KRT74: variants seen among roughly 807,000 people sequenced by gnomAD.
KRT74 encodes the protein keratin 74.
A neutral mutation model predicts 42.7 loss-of-function variants in KRT74; 43 were observed. The observed-to-expected ratio is 1.01, with a 90% CI of 0.79 to 1.30. KRT74 has a LOEUF of 1.30. KRT74 is among the 50% of genes most tolerant of loss of function. KRT74 has a pLI of 0.00. For synonymous variants in KRT74, 302 were observed against 279.0 expected, an observed-to-expected ratio of 1.08 and a Z score of -0.82; for missense variants, 736 against 689.1, an observed-to-expected ratio of 1.07 and a Z score of -0.76.
chr12:52,573,287 C>G lies in KRT74; in HGVS notation c.471+20G>C. 2 of 1,609,736 alleles carry G rather than the reference C, an allele frequency of 1.2e-6. No individual in the cohort carries two copies. Among genetic ancestry groups the G allele is most frequent in the Non-Finnish European group, 8.5e-7 (1 of 1,176,030 alleles). The stretch of plus-strand genomic sequence containing the variant: ...CTCAGGCCTCAGGGTGCGGCCTCAT[C>G]CTCCTCCTATGAGACCCACCTTGTC... On this transcript the variant is annotated intron_variant, in intron 1 of 8. Transcript: ENST00000305620.
rs918293648 is a variant in KRT74, at chr12:52,573,298, G to A, written c.471+9C>T. 1.9e-6 allele frequency: 3 copies of A among 1,613,592 alleles called. No individual in the cohort carries two copies. The African/African-American group carries it at 4.0e-5, about 22-fold the overall frequency. ...GGGTGCGGCCTCATCCTCCTCCTATGAGACCCACCTTGTCAATGAAGGAGG... is the reference window on the plus strand; with the variant it reads ...GGGTGCGGCCTCATCCTCCTCCTATAAGACCCACCTTGTCAATGAAGGAGG... On this transcript the variant is annotated intron_variant, in intron 1 of 8. Coordinates refer to ENST00000305620, the MANE Select transcript of KRT74 (RefSeq NM_175053.4).
intron 7 of KRT74, 51 bp from the exon 8 acceptor site, chr12:52,567,744 C>T: frequency 7.2e-7 from 1 of 1,386,606 alleles, no homozygotes; most frequent in Non-Finnish European, 1.0e-6. Context: ...CGAGATTCCA[C>T]TAAACATCAA....
At chr12:52,568,074 A>G (rs1939410071) in intron 7 of KRT74, 95 bp downstream of exon 7, 1 of 1,391,828 alleles carries the variant, frequency 7.2e-7, no homozygotes, top group Admixed American at 1.8e-5. Context: ...TCTTGCTTGT[A>G]TTGGCACTAA....
In KRT74 at chr12:52,568,567, G is replaced by T. The variant is rs1939421163; in HGVS notation, c.1135-178C>A. ...TTTCTATTGCAGAGGAGTATTCAAA[G>T]CTGTTATCACATGAAGCTGTGGAAG... On this transcript the variant is annotated intron_variant, in intron 6 of 8. Transcript: ENST00000305620. 1.6e-5 allele frequency: 11 copies of T among 679,986 alleles called. No individual in the cohort carries two copies. The South Asian group carries it at 2.1e-4, about 13-fold the overall frequency. The allele number at this position is 679,986 out of a possible 1,614,324, so 42.1% of individuals were successfully genotyped here. A position where few individuals can be genotyped will look rare whatever the true frequency, so the allele number is the denominator to read the frequency against.
Position 52,570,866 on chromosome 12 carries a change from C to A in KRT74, c.844-33G>T, listed in dbSNP as rs150597552. 10,045 of 1,613,500 alleles carry A rather than the reference C, an allele frequency of 6.2e-3. 48 individuals are homozygous for A. The highest frequency in any genetic ancestry group is 7.6e-3 in the Non-Finnish European group (9,016 of 1,179,480). On this transcript the variant is annotated intron_variant, in intron 4 of 8. Coordinates refer to ENST00000305620, the MANE Select transcript of KRT74 (RefSeq NM_175053.4). ...GAGAGAGGAAGACAGATTCAGCAAC[C>A]CCCTGGCTTCCCTCTTCTGCCCCAT... is the stretch of plus-strand genomic sequence containing the variant.
intron 8 of KRT74, 103 bp from the exon 9 acceptor site, chr12:52,567,271 A>C: frequency 3.5e-5 from 34 of 984,710 alleles, no homozygotes; most frequent in Non-Finnish European, 4.7e-5. Flanking sequence ...ACAACACCTC[A>C]TTTAATCCGC....
rs779465105 is a variant in KRT74, at chr12:52,572,709, C to T, written c.472-42G>A. On this transcript the variant is annotated intron_variant, in intron 1 of 8. Coordinates refer to ENST00000305620, the MANE Select transcript of KRT74 (RefSeq NM_175053.4). ...CAGACACCTGGAACCACAATGGGTG[C>T]AGTCATGCCCCCTGGACACACACCA... 7 of 1,559,290 alleles carry T rather than the reference C, an allele frequency of 4.5e-6. No homozygotes were observed. The Admixed American group carries it at 5.0e-5, about 11-fold the overall frequency.
chr12:52,571,474 T>C lies in KRT74; in HGVS notation c.748-20A>G, dbSNP rs756488832. ...TGCATCCTGCCAAGAGGCCCCAGAGTCATTGGGGGATGCAACCCTCATCCC... is the reference window on the plus strand; with the variant it reads ...TGCATCCTGCCAAGAGGCCCCAGAGCCATTGGGGGATGCAACCCTCATCCC... On this transcript the variant is annotated intron_variant, in intron 3 of 8. Transcript: ENST00000305620. 3.2e-6 allele frequency: 5 copies of C among 1,577,362 alleles called. No homozygotes were observed. The South Asian group carries it at 5.5e-5, about 17-fold the overall frequency.
Position 52,570,745 on chromosome 12 carries a change from A to G in KRT74, c.932T>C (p.Ile311Thr), listed in dbSNP as rs368247981. 1.2e-6 allele frequency: 2 copies of G among 1,614,068 alleles called. No individual in the cohort carries two copies. Among genetic ancestry groups the G allele is most frequent in the African/African-American group, 2.7e-5 (2 of 74,924 alleles). The change falls in exon 5 of 9, where the codon ATC (isoleucine) becomes ACC (threonine). Residue 311 changes from isoleucine to threonine, a missense_variant. Coordinates refer to ENST00000305620, the MANE Select transcript of KRT74 (RefSeq NM_175053.4). ...CTCATAATGCATGCGGACCTCAGCGATGATGCTGTCAAGGTCCAGGTCCCG... is the reference window on the plus strand; with the variant it reads ...CTCATAATGCATGCGGACCTCAGCGGTGATGCTGTCAAGGTCCAGGTCCCG... ...NNRDLDLDSI[I>T]AEVRMHYEEI...
chr12:52,573,310 G>A lies in KRT74; in HGVS notation c.468C>T (p.Asp156=). The change falls in exon 1 of 9, where the codon GAC becomes GAT. Residue 156 remains aspartate, a synonymous_variant. Transcript: ENST00000305620. The stretch of plus-strand genomic sequence containing the variant: ...ATCCTCCTCCTATGAGACCCACCTT[G>A]TCAATGAAGGAGGCGAACTTGTCGT... ...VLNDKFASFI[D]KVRFLEQQNQ... is the part of the protein sequence containing the mutation. 6.2e-7 allele frequency: 1 copy of A among 1,614,052 alleles called. No homozygotes were observed. Among genetic ancestry groups the A allele is most frequent in the Non-Finnish European group, 8.5e-7 (1 of 1,179,912 alleles).
At position 52,571,386 on chromosome 12, in the gene KRT74, G is replaced by A. The variant is rs757714826; in HGVS notation, c.816C>T (p.Ile272=). The A allele has an allele frequency of 1.9e-6, 3 of 1,612,370 alleles. No homozygotes were observed. The highest frequency in any genetic ancestry group is 2.2e-5 in the South Asian group (2 of 91,018). The change falls in exon 4 of 9, where the codon ATC becomes ATT. Residue 272 remains isoleucine, a synonymous_variant. Transcript: ENST00000305620. ...QAKVDSLDKE[I]KFLKCLYDAE... is the part of the protein sequence containing the mutation. Reference sequence around the variant, plus strand: ...CATCATACAGACACTTGAGGAACTTGATTTCTTTGTCCAGTGAGTCCACTT... The same window carrying A: ...CATCATACAGACACTTGAGGAACTTAATTTCTTTGTCCAGTGAGTCCACTT...
Position 52,567,704 on chromosome 12 carries a change from G to A in KRT74, c.1356-11C>T. ...TTCTCACCAGACATCCTGTGAGACA[G>A]AAAGTTAGAGAAAGATAAAAACTCA... On this transcript the variant is annotated splice_polypyrimidine_tract_variant and intron_variant, in intron 7 of 8. Coordinates refer to ENST00000305620, the MANE Select transcript of KRT74 (RefSeq NM_175053.4). 6.2e-7 allele frequency: 1 copy of A among 1,603,336 alleles called. No homozygotes were observed. The highest frequency in any genetic ancestry group is 8.5e-7 in the Non-Finnish European group (1 of 1,170,276).
Position 52,566,922 on chromosome 12 carries a change from CA to C in KRT74, c.*46del. On this transcript the variant is annotated 3_prime_UTR_variant, in exon 9 of 9. Coordinates refer to ENST00000305620, the MANE Select transcript of KRT74 (RefSeq NM_175053.4). Reference sequence around the variant, plus strand: ...GTGTGGCAGACACCTTTGGGGGTGGCAAAGTCACCTCTTCTTCCAAGTGCTG... The same window carrying C: ...GTGTGGCAGACACCTTTGGGGGTGGCAAGTCACCTCTTCTTCCAAGTGCTG... 1 of 1,560,652 alleles carries C rather than the reference CA, an allele frequency of 6.4e-7. No individual in the cohort carries two copies. Among genetic ancestry groups the C allele is most frequent in the Non-Finnish European group, 8.7e-7 (1 of 1,143,950 alleles).
rs55853228 is a variant in KRT74 at position 52,570,559 on chromosome 12, C to A, written c.1008+110G>T. 0.053 allele frequency: 64,293 copies of A among 1,207,344 alleles called. 2,164 individuals carry two copies. Among genetic ancestry groups the A allele is most frequent in the African/African-American group, 0.15 (9,733 of 66,674 alleles). 74.8% of individuals were successfully genotyped at this position (1,207,344 alleles called of 1,614,324 possible). ...TTTTTCCTTGAAGCCTTGGTTGGAACCTTTCTTTCATTCAGCATGCCCACA... is the reference window on the plus strand; with the variant it reads ...TTTTTCCTTGAAGCCTTGGTTGGAAACTTTCTTTCATTCAGCATGCCCACA... On this transcript the variant is annotated intron_variant, in intron 5 of 8. Transcript: ENST00000305620.
intron 5 of KRT74, 78 bp from the exon 6 acceptor site, chr12:52,570,062 AC>A: frequency 1.3e-6 from 2 of 1,523,104 alleles, no homozygotes; most frequent in Non-Finnish European, 1.8e-6. Flanking sequence ...CACCCCTGCC[AC>A]CCTGGCTGTC....
Position 52,566,922 on chromosome 12 carries a change from C to G in KRT74, c.*47G>C. The G allele has an allele frequency of 6.4e-7, 1 of 1,560,652 alleles. No homozygotes were observed. The highest frequency in any genetic ancestry group is 8.7e-7 in the Non-Finnish European group (1 of 1,143,950). On this transcript the variant is annotated 3_prime_UTR_variant, in exon 9 of 9. Transcript: ENST00000305620. ...GTGTGGCAGACACCTTTGGGGGTGG[C>G]AAAGTCACCTCTTCTTCCAAGTGCT...
rs1592211345 is a variant in KRT74 at position 52,566,773 on chromosome 12, A to G, written c.*196T>C. 5 of 478,882 alleles carry G rather than the reference A, an allele frequency of 1.0e-5. No homozygotes were observed. In the East Asian group the frequency reaches 1.5e-4, roughly 15 times the overall value. The allele number at this position is 478,882 out of a possible 1,614,324, so 29.7% of individuals were successfully genotyped here. ...GGAAAATGAGAAGTCGTTAGTCCAC[A>G]TGGGACCTAAGGAAACAGGGAAGGT... is the stretch of plus-strand genomic sequence containing the variant. On this transcript the variant is annotated 3_prime_UTR_variant, in exon 9 of 9. Transcript: ENST00000305620.
At chr12:52,571,522 G>T in intron 3 of KRT74, 68 bp from the exon 4 acceptor site, 5 of 1,091,774 alleles carry the variant, frequency 4.6e-6, no homozygotes, top group Non-Finnish European at 7.1e-6. Flanking sequence ...CCCAACTCCT[G>T]CCTCAAAGCC....
chr12:52,569,912 G>C lies in KRT74; in HGVS notation c.1081C>G (p.Leu361Val), dbSNP rs780786227. The C allele has an allele frequency of 6.2e-7, 1 of 1,614,174 alleles. No homozygotes were observed. Among genetic ancestry groups the C allele is most frequent in the East Asian group, 2.2e-5 (1 of 44,872 alleles). Residue 361 changes from leucine to valine, a missense_variant, in exon 6 of 9, where the codon CTG (leucine) becomes GTG (valine). By Grantham distance (32) the Leu-to-Val change is conservative. Transcript: ENST00000305620. ...CGGATCCTCTGGATGAGCCGGTTCAGCTCCACCATCTCGCTCCTGGTGTGT... is the reference window on the plus strand; with the variant it reads ...CGGATCCTCTGGATGAGCCGGTTCACCTCCACCATCTCGCTCCTGGTGTGT... ...LKHTRSEMVE[L>V]NRLIQRIRCE...
Sources: gnomAD v4.1 joint callset for allele counts on GRCh38, gnomAD v4.1.1 for gene constraint, MANE v1.5 for transcripts, NCBI Gene and HGNC (gene_info 2026-07-23, HGNC 2026-07-21) for gene names.